Variants in DHX37 observed in about 807,000 individuals in gnomAD.
The protein encoded by DHX37 is probable ATP-dependent RNA helicase DHX37.
A neutral mutation model predicts 134.3 loss-of-function variants in DHX37; 52 were observed. That is an observed-to-expected ratio of 0.39 (90% CI 0.31 to 0.49). DHX37 has a LOEUF of 0.49. Ranked by LOEUF, DHX37 falls within the 20% of genes least tolerant of loss-of-function variation. DHX37 has a pLI of 0.93. For missense variants in DHX37, 1,344 were observed against 1,580.8 expected, an observed-to-expected ratio of 0.85 and a Z score of 2.54; for synonymous variants, 634 against 670.7, an observed-to-expected ratio of 0.95 and a Z score of 0.85.
At chr12:124,963,528 C>T (rs958253319) in intron 15 of DHX37, among the ~76,000 whole-genome samples, 1 of 152,080 alleles carries the variant, frequency 6.6e-6, no homozygotes, top group African/African-American at 2.4e-5. Flanking sequence ...CCTGATCAAG[C>T]TGTTAACAAA....
Position 124,986,182 on chromosome 12 carries a change from G to A in DHX37, c.190C>T (p.Leu64=). The change falls in exon 2 of 27, where the codon CTG becomes TTG. Residue 64 remains leucine (L), a synonymous_variant. Coordinates refer to ENST00000308736, the MANE Select transcript of DHX37 (RefSeq NM_032656.4). ...KKKKKTKAPP[L]SKKEKKPLTK... ...AGAGGCTTCTTCTCCTTCTTCGACAGGGGAGGGGCTTTGGTCTTCTTTTTC... is the reference window on the plus strand; with the variant it reads ...AGAGGCTTCTTCTCCTTCTTCGACAAGGGAGGGGCTTTGGTCTTCTTTTTC... 1 of 1,614,210 alleles carries A rather than the reference G, an allele frequency of 6.2e-7. No individual in the cohort carries two copies. Among genetic ancestry groups the A allele is most frequent in the Non-Finnish European group, 8.5e-7 (1 of 1,180,050 alleles).
At chr12:124,987,547 G>C (rs1954898728) in intron 1 of DHX37, among the ~76,000 whole-genome samples, 1 of 152,174 alleles carries the variant, frequency 6.6e-6, no homozygotes, top group Non-Finnish European at 1.5e-5. Context: ...GGCTGTCTTT[G>C]AGGTGCCATC....
At chr12:124,959,073 C>CTTTTTTTTT (rs1188884814) in intron 16 of DHX37, among the ~76,000 whole-genome samples, 1 of 115,816 alleles carries the variant, frequency 8.6e-6, no homozygotes, top group African/African-American at 4.0e-5. Context: ...CCACACCTGG[C>CTTTTTTTTT]TTTTTTTTTT....
At chr12:124,988,368 T>C (rs1293018268) in intron 1 of DHX37, among the ~76,000 whole-genome samples, 4 of 152,168 alleles carry the variant, frequency 2.6e-5, no homozygotes, top group African/African-American at 9.7e-5. Flanking sequence ...AATGGCCTCT[T>C]CTGTTTTATC....
chr12:124,959,023 C>T (rs913131481), intron 16 of DHX37, among the ~76,000 whole-genome samples: 3 of 140,148 alleles, frequency 2.1e-5, no homozygotes, highest in African/African-American at 9.8e-5. Flanking sequence ...GATTCTCCTG[C>T]CTCAGCCTCC....
chr12:124,959,002 C>T (rs1444930729), intron 16 of DHX37, among the ~76,000 whole-genome samples: 7 of 148,000 alleles, frequency 4.7e-5, no homozygotes, highest in Admixed American at 2.0e-4. Context: ...CTCTGCCTCC[C>T]AGGTTCCAGT....
chr12:124,950,126 T>C, intron 24 of DHX37, 23 bp downstream of exon 24: 2 of 1,613,676 alleles, frequency 1.2e-6, no homozygotes, highest in Non-Finnish European at 1.7e-6. Context: ...GAGATGAGGG[T>C]CTGGAGCCGC....
chr12:124,980,880 C>G lies in DHX37; in HGVS notation c.390-42G>C. The G allele has an allele frequency of 6.5e-7, 1 of 1,534,006 alleles. No homozygotes were observed. The highest frequency in any genetic ancestry group is 8.7e-7 in the Non-Finnish European group (1 of 1,145,702). On this transcript the variant is annotated intron_variant, in intron 3 of 26. Transcript: ENST00000308736. The surrounding 1 kb of genome is among the most constrained non-coding windows in gnomAD (Gnocchi z 5.3). ...GACTTCAGGCACAGAGGCCCCACCT[C>G]AATCCCAGAGGTCAGGACTCCAAGG... is the stretch of plus-strand genomic sequence containing the variant.
intron 8 of DHX37, among the ~76,000 whole-genome samples, chr12:124,970,146 G>GT (rs1810531836): frequency 6.6e-6 from 1 of 151,994 alleles, no homozygotes; most frequent in East Asian, 1.9e-4. Context: ...CTAATTTTTC[G>GT]TTTTTTTAGT....
At chr12:124,971,055 G>C (rs1954512152) in intron 8 of DHX37, among the ~76,000 whole-genome samples, 1 of 152,252 alleles carries the variant, frequency 6.6e-6, no homozygotes, top group African/African-American at 2.4e-5. Flanking sequence ...TTTGGATGGG[G>C]AGAAGGACAC....
At chr12:124,961,441 G>T (rs4765190) in intron 15 of DHX37, among the ~76,000 whole-genome samples, 55,321 of 151,622 alleles carry the variant, frequency 0.36, 10,429 homozygotes, top group East Asian at 0.64. Flanking sequence ...AACTTTTTTT[G>T]TTTTTGAGAT....
intron 6 of DHX37, among the ~76,000 whole-genome samples, chr12:124,974,622 C>A (rs560108129): frequency 6.6e-6 from 1 of 151,032 alleles, no homozygotes; most frequent in East Asian, 1.9e-4. Flanking sequence ...TCACTCTGTG[C>A]TCTTTTGTGC....
chr12:124,979,052 G>A (rs188674470), intron 4 of DHX37, among the ~76,000 whole-genome samples: 20 of 152,158 alleles, frequency 1.3e-4, no homozygotes, highest in Non-Finnish European at 2.5e-4. Flanking sequence ...GGACAAGAAC[G>A]TTTAAAAAAG....
Position 124,980,585 on chromosome 12 carries a change from T to C in DHX37, c.643A>G (p.Thr215Ala). Reference protein sequence around the residue: ...PSSQPVPAGMTVPPPPAAAPP... With the variant: ...PSSQPVPAGMAVPPPPAAAPP... ...GCTGCAGCTGGAGGAGGAGGAACAG[T>C]CATCCCAGCCGGCACGGGCTGACTG... Residue 215 changes from threonine (T) to alanine (A), a missense_variant, in exon 4 of 27, where the codon ACT becomes GCT. Physicochemically the swap from Thr to Ala is moderately conservative, Grantham distance 58. Transcript: ENST00000308736. The surrounding 1 kb of genome is among the most constrained non-coding windows in gnomAD (Gnocchi z 5.3). 4 of 1,610,836 alleles carry C rather than the reference T, an allele frequency of 2.5e-6. No individual in the cohort carries two copies. Among genetic ancestry groups the C allele is most frequent in the Non-Finnish European group, 3.4e-6 (4 of 1,179,604 alleles).
In DHX37 at chr12:124,964,957, A is replaced by G. The variant is rs1288283840; in HGVS notation, c.1785T>C (p.Ser595=). ...GTGCTTGCTTCTCTGGGGCCAGCAG[A>G]GAGTACAGCGGGAGCACGTGGAGCG... ...SLPLHVLPLY[S]LLAPEKQAQV... The change falls in exon 14 of 27, where the codon TCT becomes TCC. Residue 595 remains serine, a synonymous_variant. Coordinates refer to ENST00000308736, the MANE Select transcript of DHX37 (RefSeq NM_032656.4). The G allele has an allele frequency of 1.3e-6, 2 of 1,598,466 alleles. No homozygotes were observed. Among genetic ancestry groups the G allele is most frequent in the Admixed American group, 1.8e-5 (1 of 56,216 alleles).
chr12:124,962,840 A>G (rs1201826660), intron 15 of DHX37, among the ~76,000 whole-genome samples: 1 of 152,102 alleles, frequency 6.6e-6, no homozygotes, highest in East Asian at 1.9e-4. Flanking sequence ...CCATCTCAAA[A>G]AAAAAAAAAT....
rs1002763262 is a variant in DHX37 at position 124,980,244 on chromosome 12, C to T, written c.738+246G>A. Reference sequence around the variant, plus strand: ...TCAGAGGGCAGTGGCGATGAAGCTACTGCCGCCGACCTCCAGGGCCCCGAG... The same window carrying T: ...TCAGAGGGCAGTGGCGATGAAGCTATTGCCGCCGACCTCCAGGGCCCCGAG... On this transcript the variant is annotated intron_variant, in intron 4 of 26. Coordinates refer to ENST00000308736, the MANE Select transcript of DHX37 (RefSeq NM_032656.4). This position sits in a 1 kb window ranked among gnomAD's most constrained non-coding sequence, Gnocchi z 5.3. 3.9e-5 allele frequency among the ~76,000 whole-genome samples: 6 copies of T among 152,244 alleles called. No individual in the cohort carries two copies. Among genetic ancestry groups the T allele is most frequent in the African/African-American group, 1.4e-4 (6 of 41,468 alleles).
chr12:124,968,692 G>C, intron 9 of DHX37, 44 bp from the exon 10 acceptor site: 1 of 1,612,578 alleles, frequency 6.2e-7, no homozygotes, highest in South Asian at 1.1e-5. Flanking sequence ...GGGGACACGA[G>C]CTTCGGCCCA....
At position 124,949,683 on chromosome 12, in the gene DHX37, T is replaced by C. The variant is rs1953935122; in HGVS notation, c.3290+303A>G. On this transcript the variant is annotated intron_variant, in intron 25 of 26. Transcript: ENST00000308736. The surrounding 1 kb of genome is among the most constrained non-coding windows in gnomAD (Gnocchi z 4.0). ...TAGGGTGGGCCCTGAATACAATGACTGGTGTCCTTATAAGGAGAACACAGG... is the reference window on the plus strand; with the variant it reads ...TAGGGTGGGCCCTGAATACAATGACCGGTGTCCTTATAAGGAGAACACAGG... Among the ~76,000 whole-genome samples, 1 of 152,134 alleles carries C rather than the reference T, an allele frequency of 6.6e-6. No individual in the cohort carries two copies. The highest frequency in any genetic ancestry group is 6.5e-5 in the Admixed American group (1 of 15,274).
Sources: allele counts gnomAD v4.1 joint callset (sites outside exome capture counted in the v4.1 genomes callset), GRCh38; gene constraint gnomAD v4.1.1; non-coding constraint Gnocchi (gnomAD v3.1); transcripts MANE v1.5; gene names NCBI Gene and HGNC (gene_info 2026-07-23, HGNC 2026-07-21).